The following USP32 variants were observed in gnomAD, a reference collection of about 807,000 sequenced individuals.
The protein encoded by USP32 is ubiquitin specific peptidase 32.
Under a neutral mutation model 204.8 loss-of-function variants are expected in USP32, and 59 were observed. That is an observed-to-expected ratio of 0.29 (90% CI 0.23 to 0.36). USP32 has a LOEUF of 0.36. Ranked by LOEUF, USP32 falls within the 10% of genes least tolerant of loss-of-function variation. The pLI is 1.00. For synonymous variants in USP32, 517 were observed against 678.4 expected (o/e 0.76, Z 3.70); for missense variants, 1,160 against 1,946.4 (o/e 0.60, Z 7.60).
chr17:60,264,042 G>A (rs1381567228), intron 9 of USP32, among the ~76,000 whole-genome samples: 1 of 152,012 alleles, frequency 6.6e-6, no homozygotes, highest in Non-Finnish European at 1.5e-5. Flanking sequence ...GGGACACATA[G>A]ACATCATAGT....
intron 1 of USP32, among the ~76,000 whole-genome samples, chr17:60,360,927 G>A (rs1210984619): frequency 3.3e-5 from 5 of 151,646 alleles, no homozygotes; most frequent in African/African-American, 7.3e-5. Flanking sequence ...TCAGGAGTTC[G>A]AGACCAGCCT....
At position 60,269,490 on chromosome 17, in the gene USP32, T is replaced by A. The variant is rs150047706; in HGVS notation, c.771A>T (p.Leu257Phe). The change falls in exon 7 of 34, where the codon TTA (leucine) becomes TTT (phenylalanine). Residue 257 changes from leucine (L) to phenylalanine (F), a missense_variant. This residue lies in a region of USP32 where 536 missense variants were observed against 680.9 expected (regional missense o/e 0.79). Transcript: ENST00000300896. ...HIDFKEISCGLSACCRGPLAE... is the reference protein window; with the variant it reads ...HIDFKEISCGFSACCRGPLAE... ...CCAGGGGTCCCCTGCAACAGGCTGA[T>A]AACCCACAGGATATCTCCTTAAAAT... is the stretch of plus-strand genomic sequence containing the variant. 1 of 1,611,066 alleles carries A rather than the reference T, an allele frequency of 6.2e-7. No homozygotes were observed. The highest frequency in any genetic ancestry group is 8.5e-7 in the Non-Finnish European group (1 of 1,179,108).
Position 60,301,645 on chromosome 17 carries a change from A to T in USP32, c.246T>A (p.Val82=), listed in dbSNP as rs1449322510. Residue 82 remains valine, a synonymous_variant, in exon 3 of 34, where the codon GTT becomes GTA. Transcript: ENST00000300896. ...TGCCTCTTGTAAGGAGGACAAGTCCAACTATTAAATTATTGAAGTGCAGCC... is the reference window on the plus strand; with the variant it reads ...TGCCTCTTGTAAGGAGGACAAGTCCTACTATTAAATTATTGAAGTGCAGCC... ...SKGLHFNNLI[V]GLVLLTRGKD... The T allele has an allele frequency of 1.3e-6, 2 of 1,597,006 alleles. No individual in the cohort carries two copies. Among genetic ancestry groups the T allele is most frequent in the Non-Finnish European group, 1.7e-6 (2 of 1,175,950 alleles).
upstream of USP32, among the ~76,000 whole-genome samples, chr17:60,394,127 CAG>C (rs2089882577): frequency 6.6e-6 from 1 of 152,168 alleles, no homozygotes; most frequent in Admixed American, 6.5e-5. Flanking sequence ...GGCCATGAAT[CAG>C]GGGGTTGGGA....
intron 2 of USP32, among the ~76,000 whole-genome samples, chr17:60,313,477 CAAAAAA>C (rs35830774): frequency 6.6e-6 from 1 of 151,044 alleles, no homozygotes; most frequent in South Asian, 2.1e-4. Flanking sequence ...TGCTTAGCTC[CAAAAAA>C]AATAAAGGGC....
intron 1 of USP32, among the ~76,000 whole-genome samples, chr17:60,367,525 T>C (rs980357539): frequency 1.4e-4 from 22 of 151,826 alleles, no homozygotes; most frequent in African/African-American, 5.3e-4. Context: ...AAAGAAAATA[T>C]TCAGGCTGGG....
At chr17:60,243,458 T>C (rs572714726) in intron 11 of USP32, among the ~76,000 whole-genome samples, 5 of 152,336 alleles carry the variant, frequency 3.3e-5, no homozygotes, top group Non-Finnish European at 2.9e-5. Flanking sequence ...TTCAGTGTTC[T>C]ACCATTAAGT....
intron 4 of USP32, among the ~76,000 whole-genome samples, chr17:60,289,047 G>A (rs367576601): frequency 1.2e-4 from 18 of 152,184 alleles, no homozygotes; most frequent in South Asian, 1.0e-3. Context: ...TCACTTTGTC[G>A]CCCAGGCTGG....
At chr17:60,269,852 A>G (rs1280755096) in intron 6 of USP32, among the ~76,000 whole-genome samples, 1 of 152,200 alleles carries the variant, frequency 6.6e-6, no homozygotes, top group Admixed American at 6.5e-5. Flanking sequence ...GTCAATAAAT[A>G]AAAATTAAAA....
intron 12 of USP32, among the ~76,000 whole-genome samples, chr17:60,235,289 C>T (rs556713394): frequency 6.6e-5 from 10 of 152,236 alleles, no homozygotes; most frequent in African/African-American, 2.2e-4. Flanking sequence ...ATTTTTCTAC[C>T]TACACATACC....
chr17:60,225,891 T>TTGCA, intron 13 of USP32, 148 bp downstream of exon 13: 1 of 760,218 alleles, frequency 1.3e-6, no homozygotes, highest in Non-Finnish European at 1.9e-6. Context: ...AAGGTGGAGG[T>TTGCA]TGCAGTGAGC....
At chr17:60,187,869 A>G (rs2084289303) in intron 29 of USP32, among the ~76,000 whole-genome samples, 1 of 152,240 alleles carries the variant, frequency 6.6e-6, no homozygotes, top group Non-Finnish European at 1.5e-5. Context: ...AAGTTACTTT[A>G]AAGCTCATCT....
upstream of USP32, among the ~76,000 whole-genome samples, chr17:60,393,833 C>T (rs1359893875): frequency 2.0e-5 from 3 of 151,972 alleles, no homozygotes; most frequent in Admixed American, 6.6e-5. Flanking sequence ...TACAGGCATG[C>T]GCCACCATGC....
Position 60,217,342 on chromosome 17 carries a change from A to C in USP32, c.1867+2328T>G, listed in dbSNP as rs1429538931. 1.0e-3 allele frequency among the ~76,000 whole-genome samples: 153 copies of C among 152,196 alleles called. 1 individual carries two copies. The highest frequency in any genetic ancestry group is 3.6e-3 in the African/African-American group (148 of 41,478). On this transcript the variant is annotated intron_variant, in intron 16 of 33. Transcript: ENST00000300896. ...ACAGAGTCTCACTCTGTTGCCCAGA[A>C]TAGAGTGCATGGCGCGATCTCGGCT...
intron 1 of USP32, among the ~76,000 whole-genome samples, chr17:60,414,546 A>G (rs1417236722): frequency 6.7e-6 from 1 of 149,826 alleles, no homozygotes; most frequent in Admixed American, 6.7e-5. Flanking sequence ...CTCATGTCTC[A>G]GCCTCCTGAG....
At chr17:60,358,511 C>A (rs946153229) in intron 1 of USP32, among the ~76,000 whole-genome samples, 9 of 151,912 alleles carry the variant, frequency 5.9e-5, no homozygotes, top group African/African-American at 2.2e-4. Context: ...TAGGTAGAGG[C>A]TGCAGTGAGC....
rs1284847904 is a variant in USP32, at chr17:60,211,493, G to A, written c.2201C>T (p.Thr734Ile). The change falls in exon 20 of 34, where the codon ACA becomes ATA. Residue 734 changes from threonine to isoleucine, a missense_variant. Around this residue, in one of 8 missense-constraint regions of USP32, gnomAD observed 132 missense variants for 432.8 expected, o/e 0.30. Transcript: ENST00000300896. ...RHKVPTEKGA[T>I]GLSNLGNTCF... ...TGTGTTTCCCAGATTGCTTAGACCT[G>A]TGGCTCCCTTTTCTGTGGGAACTGG... 6.2e-7 allele frequency: 1 copy of A among 1,612,064 alleles called. No individual in the cohort carries two copies. The highest frequency in any genetic ancestry group is 8.5e-7 in the Non-Finnish European group (1 of 1,179,320).
At chr17:60,378,591 T>C (rs1441864440) in intron 1 of USP32, among the ~76,000 whole-genome samples, 1 of 152,128 alleles carries the variant, frequency 6.6e-6, no homozygotes, top group African/African-American at 2.4e-5. Flanking sequence ...ATGTAGTATA[T>C]ACAAATTATT....
At chr17:60,295,741 T>C (rs1418719143) in intron 3 of USP32, among the ~76,000 whole-genome samples, 1 of 151,884 alleles carries the variant, frequency 6.6e-6, no homozygotes, top group African/African-American at 2.4e-5. Flanking sequence ...TATTATAGTA[T>C]ATTGTTATAA....
Sources: allele counts gnomAD v4.1 joint callset (sites outside exome capture counted in the v4.1 genomes callset), GRCh38; gene constraint gnomAD v4.1.1; regional missense constraint gnomAD v4.1.1; transcripts MANE v1.5; gene names NCBI Gene and HGNC (gene_info 2026-07-23, HGNC 2026-07-21).